Variants in MACROD2 observed in about 807,000 individuals in gnomAD.
The protein encoded by MACROD2 is ADP-ribose glycohydrolase MACROD2.
A neutral mutation model predicts 70.4 loss-of-function variants in MACROD2; 36 were observed. The observed-to-expected ratio is 0.51, with a 90% CI of 0.39 to 0.68. The LOEUF is 0.68. MACROD2 is among the 30% of genes least tolerant of loss of function. MACROD2 has a pLI of 0.00. For missense variants in MACROD2, 496 were observed against 538.4 expected (o/e 0.92, Z 0.78); for synonymous variants, 172 against 178.8 (o/e 0.96, Z 0.30).
chr20:15,603,939 A>G (rs2048858966), intron 8 of MACROD2, among the ~76,000 whole-genome samples: 1 of 152,178 alleles, frequency 6.6e-6, no homozygotes, highest in Admixed American at 6.5e-5. Context: ...ATAACTCATC[A>G]CTATTTTAAA....
intron 8 of MACROD2, among the ~76,000 whole-genome samples, chr20:15,817,374 CT>C (rs2063887987): frequency 6.6e-6 from 1 of 152,134 alleles, no homozygotes; most frequent in Non-Finnish European, 1.5e-5. Flanking sequence ...ATATTAGAAT[CT>C]TTCTCACAAT....
intron 6 of MACROD2, among the ~76,000 whole-genome samples, chr20:15,272,790 A>G (rs1323357217): frequency 6.6e-6 from 1 of 152,176 alleles, no homozygotes; most frequent in Non-Finnish European, 1.5e-5. Context: ...TTTGGGGAGT[A>G]AAACAATTTT....
chr20:15,276,390 A>G (rs1407058237), intron 6 of MACROD2, among the ~76,000 whole-genome samples: 1 of 95,804 alleles, frequency 1.0e-5, no homozygotes, highest in East Asian at 2.2e-4. Flanking sequence ...ACAGAGAGAG[A>G]CTCCCTCTCA....
At chr20:15,096,590 C>T (rs905338020) in intron 5 of MACROD2, among the ~76,000 whole-genome samples, 1 of 145,762 alleles carries the variant, frequency 6.9e-6, no homozygotes, top group Non-Finnish European at 1.5e-5. Flanking sequence ...TGGCTCAGTG[C>T]AGCCTCCGCC....
chr20:14,743,012 C>T lies in MACROD2; in HGVS notation c.418+58053C>T, dbSNP rs567124478. On this transcript the variant is annotated intron_variant, in intron 5 of 17. Transcript: ENST00000684519. ...CGATCTCCTGACCTCGTGATCCGCC[C>T]GCCTCGGCCTCCCAAATTGCTGGGA... is the stretch of plus-strand genomic sequence containing the variant. Among the ~76,000 whole-genome samples the T allele has an allele frequency of 7.2e-5, 11 of 152,080 alleles. No homozygotes were observed. In the South Asian group the frequency reaches 1.5e-3, roughly 20 times the overall value.
intron 5 of MACROD2, among the ~76,000 whole-genome samples, chr20:14,817,722 G>T (rs1370853595): frequency 6.6e-6 from 1 of 152,156 alleles, no homozygotes; most frequent in African/African-American, 2.4e-5. Flanking sequence ...GCAACTGAGA[G>T]AAGCCTTGGA....
At chr20:14,934,151 G>A (rs2074320408) in intron 5 of MACROD2, among the ~76,000 whole-genome samples, 1 of 152,130 alleles carries the variant, frequency 6.6e-6, no homozygotes, top group Non-Finnish European at 1.5e-5. Context: ...CAAGACGAAT[G>A]AGCTCAGAAA....
chr20:14,969,558 C>A (rs2074671837), intron 5 of MACROD2, among the ~76,000 whole-genome samples: 1 of 152,000 alleles, frequency 6.6e-6, no homozygotes, highest in Admixed American at 6.6e-5. Context: ...AATGTTGAGT[C>A]TCTTTGTAGT....
chr20:14,368,099 A>T (rs1433553338), intron 3 of MACROD2, among the ~76,000 whole-genome samples: 1 of 152,036 alleles, frequency 6.6e-6, no homozygotes. Flanking sequence ...CACATTGCTG[A>T]TTTCCTTTAG....
chr20:14,694,938 A>G (rs996468544), intron 5 of MACROD2, among the ~76,000 whole-genome samples: 1 of 152,154 alleles, frequency 6.6e-6, no homozygotes. Flanking sequence ...ATTCCCCTCT[A>G]CTTAAACATG....
At chr20:15,531,098 C>A (rs995900786) in intron 8 of MACROD2, among the ~76,000 whole-genome samples, 9 of 150,220 alleles carry the variant, frequency 6.0e-5, no homozygotes, top group African/African-American at 2.2e-4. Context: ...AGTGCTGCTG[C>A]CATTTATTCA....
chr20:15,180,217 G>A (rs1320389578), intron 5 of MACROD2, among the ~76,000 whole-genome samples: 4 of 152,116 alleles, frequency 2.6e-5, no homozygotes, highest in African/African-American at 9.7e-5. Flanking sequence ...CATGAATTTG[G>A]GGTGGGACAC....
At chr20:14,525,660 A>T (rs893063513) in intron 4 of MACROD2, among the ~76,000 whole-genome samples, 1 of 152,136 alleles carries the variant, frequency 6.6e-6, no homozygotes, top group African/African-American at 2.4e-5. Flanking sequence ...TGGTGTGTCT[A>T]TTTTAGGTTA....
intron 4 of MACROD2, among the ~76,000 whole-genome samples, chr20:14,675,792 T>G (rs2123571845): frequency 6.6e-6 from 1 of 152,214 alleles, no homozygotes; most frequent in Admixed American, 6.5e-5. Context: ...GTGTGCTGTG[T>G]TCAGGAGACC....
intron 6 of MACROD2, among the ~76,000 whole-genome samples, chr20:15,291,271 G>C (rs1467233175): frequency 6.6e-6 from 1 of 152,162 alleles, no homozygotes; most frequent in East Asian, 1.9e-4. Flanking sequence ...GGTTCTCATT[G>C]TTTCTCATCT....
intron 12 of MACROD2, among the ~76,000 whole-genome samples, chr20:15,959,530 T>C (rs1394011954): frequency 1.3e-5 from 2 of 151,520 alleles, no homozygotes; most frequent in African/African-American, 4.9e-5. Flanking sequence ...TTGTTTTTTG[T>C]TTGTTTGTTT....
intron 5 of MACROD2, among the ~76,000 whole-genome samples, chr20:15,142,463 G>A (rs1450485424): frequency 6.6e-6 from 1 of 152,004 alleles, no homozygotes; most frequent in African/African-American, 2.4e-5. Context: ...TGTAAGTTTA[G>A]TTATGGTTTT....
chr20:14,481,967 T>C (rs2084668677), intron 3 of MACROD2, among the ~76,000 whole-genome samples: 1 of 152,232 alleles, frequency 6.6e-6, no homozygotes, highest in Non-Finnish European at 1.5e-5. Context: ...GGGCATATTT[T>C]CTACCTTGAT....
intron 3 of MACROD2, among the ~76,000 whole-genome samples, chr20:14,153,733 G>A (rs748927030): frequency 3.0e-4 from 46 of 152,072 alleles, no homozygotes; most frequent in Non-Finnish European, 5.9e-4. Flanking sequence ...ATATTAAGTT[G>A]AGAAAAAAAG....
Sources: gnomAD v4.1 joint callset for allele counts (sites outside exome capture counted in the v4.1 genomes callset) on GRCh38, gnomAD v4.1.1 for gene constraint, MANE v1.5 for transcripts, NCBI Gene and HGNC (gene_info 2026-07-23, HGNC 2026-07-21) for gene names.